KIF5C: variants seen among roughly 807,000 people sequenced by gnomAD.
KIF5C encodes the protein kinesin family member 5C.
KIF5C carries 18 observed loss-of-function variants against 125.2 expected under a neutral mutation model. The ratio of observed to expected loss-of-function variants is 0.14; its 90% CI spans 0.10 to 0.21. The LOEUF (loss-of-function observed/expected upper bound fraction) is 0.21, where lower values mean the gene tolerates loss of function less well. Ranked by LOEUF, KIF5C falls within the 10% of genes least tolerant of loss-of-function variation. The pLI is 1.00. For missense variants in KIF5C, 780 were observed against 1,183.8 expected (o/e 0.66, Z 5.01); for synonymous variants, 405 against 434.0 (o/e 0.93, Z 0.83).
At chr2:149,004,909 G>T (rs116518888) in intron 21 of KIF5C, among the ~76,000 whole-genome samples, 146 of 152,332 alleles carry the variant, frequency 9.6e-4, no homozygotes, top group African/African-American at 3.2e-3. Context: ...CTTAAAACAA[G>T]CAAGTGTGTG....
chr2:149,012,583 C>T lies in KIF5C; in HGVS notation c.*7+900C>T, dbSNP rs558849145. On this transcript the variant is annotated intron_variant, in intron 25 of 25. Coordinates refer to ENST00000435030, the MANE Select transcript of KIF5C (RefSeq NM_004522.3). ...TGAGCAGGAGGGGCTGGAGCCATCA[C>T]TCAGGGTCCCGGCATCGCCCAGGCA... Among the ~76,000 whole-genome samples, 78 of 152,354 alleles carry T rather than the reference C, an allele frequency of 5.1e-4. 1 individual carries two copies. The Middle Eastern group carries it at 0.01, about 20-fold the overall frequency.
Position 148,947,370 on chromosome 2 carries a change from TGTTGTA to T in KIF5C, c.714+348_714+353del, listed in dbSNP as rs1005192446. On this transcript the variant is annotated intron_variant, in intron 8 of 25. Transcript: ENST00000435030. Reference sequence around the variant, plus strand: ...ACTTCTGAGAAAAGAGAAAATCCCATGTTGTACCCGACTCTAATAGGCCAGGAACGA... The same window carrying T: ...ACTTCTGAGAAAAGAGAAAATCCCATCCCGACTCTAATAGGCCAGGAACGA... 2.8e-3 allele frequency: 610 copies of T among 218,068 alleles called. 2 individuals carry two copies. Among genetic ancestry groups the T allele is most frequent in the African/African-American group, 0.013 (572 of 43,144 alleles). The allele number at this position is 218,068 out of a possible 1,614,324, so 13.5% of individuals were successfully genotyped here.
At position 148,903,758 on chromosome 2, in the gene KIF5C, A is replaced by G. The variant is rs116822873; in HGVS notation, c.127-18379A>G. Among the ~76,000 whole-genome samples the G allele has an allele frequency of 7.0e-3, 1,069 of 152,306 alleles. 20 individuals carry two copies. Among genetic ancestry groups the G allele is most frequent in the African/African-American group, 0.024 (985 of 41,574 alleles). ...TTGCCCAAGGTCACATAGCTACTAAATTGTGAAGGCTGGTTTTTAGCTTAG... is the reference window on the plus strand; with the variant it reads ...TTGCCCAAGGTCACATAGCTACTAAGTTGTGAAGGCTGGTTTTTAGCTTAG... On this transcript the variant is annotated intron_variant, in intron 1 of 25. Coordinates refer to ENST00000435030, the MANE Select transcript of KIF5C (RefSeq NM_004522.3).
intron 12 of KIF5C, among the ~76,000 whole-genome samples, chr2:148,976,635 T>G (rs575767394): frequency 1.1e-4 from 17 of 151,534 alleles, no homozygotes; most frequent in African/African-American, 4.1e-4. Flanking sequence ...AGTGCAGTGG[T>G]GAAATCACAA....
chr2:148,921,926 A>G (rs1681801982), intron 1 of KIF5C, among the ~76,000 whole-genome samples: 1 of 152,198 alleles, frequency 6.6e-6, no homozygotes, highest in Admixed American at 6.5e-5. Flanking sequence ...ATTTTTTTAA[A>G]ATCTCAGATT....
chr2:148,976,274 T>TTTAC (rs893467200), intron 12 of KIF5C, among the ~76,000 whole-genome samples: 4 of 151,072 alleles, frequency 2.6e-5, no homozygotes, highest in African/African-American at 9.7e-5. Context: ...TATTTATTTA[T>TTTAC]TTATTTATTT....
intron 10 of KIF5C, among the ~76,000 whole-genome samples, chr2:148,956,259 T>C (rs1682790233): frequency 6.6e-6 from 1 of 152,172 alleles, no homozygotes. Flanking sequence ...AAATGTAAAC[T>C]GCAAATTCAG....
intron 15 of KIF5C, among the ~76,000 whole-genome samples, chr2:148,989,180 A>G (rs909889183): frequency 2.6e-5 from 4 of 152,080 alleles, no homozygotes; most frequent in African/African-American, 9.7e-5. Flanking sequence ...GTGTCCTCAT[A>G]GCTAGCTCCC....
At chr2:148,926,226 G>C (rs944356714) in intron 2 of KIF5C, among the ~76,000 whole-genome samples, 1 of 152,206 alleles carries the variant, frequency 6.6e-6, no homozygotes, top group Non-Finnish European at 1.5e-5. Flanking sequence ...AGTATCTACT[G>C]CTATCCTTCC....
intron 5 of KIF5C, 92 bp downstream of exon 5, chr2:148,941,750 A>C: frequency 6.7e-7 from 1 of 1,501,068 alleles, no homozygotes; most frequent in Non-Finnish European, 8.9e-7. Flanking sequence ...TAAGGAATTA[A>C]TGAAAATTTA....
chr2:148,982,649 CAAAAT>C (rs886665311), intron 14 of KIF5C, among the ~76,000 whole-genome samples: 3 of 152,178 alleles, frequency 2.0e-5, no homozygotes, highest in African/African-American at 7.2e-5. Context: ...CAATGCCAAA[CAAAAT>C]AAAACAAACT....
chr2:148,915,201 G>T (rs912697276), intron 1 of KIF5C, among the ~76,000 whole-genome samples: 5 of 152,154 alleles, frequency 3.3e-5, no homozygotes, highest in Admixed American at 3.3e-4. Flanking sequence ...ACACACTGGA[G>T]AAATACAGTG....
At chr2:148,926,338 G>T (rs1681994529) in intron 2 of KIF5C, among the ~76,000 whole-genome samples, 1 of 152,208 alleles carries the variant, frequency 6.6e-6, no homozygotes, top group South Asian at 2.1e-4. Context: ...CCCGGGGTGC[G>T]GCGGGCTATG....
chr2:148,932,978 G>A (rs1018232974), intron 3 of KIF5C, among the ~76,000 whole-genome samples: 1 of 152,136 alleles, frequency 6.6e-6, no homozygotes, highest in Non-Finnish European at 1.5e-5. Context: ...GGAAAAGTTT[G>A]CGGATAGAAT....
At chr2:148,892,702 C>A (rs1479022332) in intron 1 of KIF5C, among the ~76,000 whole-genome samples, 1 of 152,164 alleles carries the variant, frequency 6.6e-6, no homozygotes, top group Non-Finnish European at 1.5e-5. Flanking sequence ...TACTATTAAT[C>A]CACATGGACC....
Position 148,944,824 on chromosome 2 carries a change from T to C in KIF5C, c.589+2064T>C, listed in dbSNP as rs1167984031. Among the ~76,000 whole-genome samples, 7 of 152,152 alleles carry C rather than the reference T, an allele frequency of 4.6e-5. No homozygotes were observed. The East Asian group carries it at 1.3e-3, about 29-fold the overall frequency. ...ATATCCTTGCCACTTGTTATTGTTA[T>C]TATTTTTATAATAGCCATCCAAATG... On this transcript the variant is annotated intron_variant, in intron 7 of 25. Transcript: ENST00000435030.
intron 8 of KIF5C, 108 bp from the exon 9 acceptor site, chr2:148,949,731 C>T: frequency 7.0e-7 from 1 of 1,421,258 alleles, no homozygotes; most frequent in Non-Finnish European, 9.4e-7. Context: ...TTTTATTTTT[C>T]CTTGCTTTCC....
At chr2:148,917,852 C>T (rs1218210953) in intron 1 of KIF5C, among the ~76,000 whole-genome samples, 1 of 152,214 alleles carries the variant, frequency 6.6e-6, no homozygotes, top group African/African-American at 2.4e-5. Context: ...TACAATTCGT[C>T]GTCAGTCTTA....
At position 149,023,221 on chromosome 2, in the gene KIF5C, A is replaced by T. The variant is rs1682588037; in HGVS notation, c.*151A>T. 6.6e-6 allele frequency: 1 copy of T among 151,856 alleles called. No individual in the cohort carries two copies. Among genetic ancestry groups the T allele is most frequent in the Admixed American group, 6.5e-5 (1 of 15,270 alleles). 9.4% of individuals were successfully genotyped at this position (151,856 alleles called of 1,614,324 possible). A position where few individuals can be genotyped will look rare whatever the true frequency, so the allele number is the denominator to read the frequency against. On this transcript the variant is annotated 3_prime_UTR_variant, in exon 26 of 26. Transcript: ENST00000435030. ...GTTTCAGGTCTTTTGAGCTGTGTAG[A>T]GTTTCTGTGTGTACAGATGTGTGCT...
Sources: allele counts gnomAD v4.1 joint callset (sites outside exome capture counted in the v4.1 genomes callset), GRCh38; gene constraint gnomAD v4.1.1; transcripts MANE v1.5; gene names NCBI Gene and HGNC (gene_info 2026-07-23, HGNC 2026-07-21).